The following LRFN5 variants were observed in gnomAD, a reference collection of about 807,000 sequenced individuals.
LRFN5 encodes leucine rich repeat and fibronectin type III domain containing 5, also known as leucine-rich repeat and fibronectin type-III domain-containing protein 5.
In LRFN5, 24 loss-of-function variants were observed where a neutral mutation model predicts 45.6. That is an observed-to-expected ratio of 0.53 (90% CI 0.38 to 0.74). The LOEUF (loss-of-function observed/expected upper bound fraction) is 0.74, where lower values mean the gene tolerates loss of function less well. LRFN5 is among the 30% of genes least tolerant of loss of function. The probability of loss-of-function intolerance (pLI) is 0.00; values close to 1 mark genes in which losing one functional copy is unlikely to be tolerated. For synonymous variants in LRFN5, 340 were observed against 313.8 expected, an observed-to-expected ratio of 1.08 and a Z score of -0.88; for missense variants, 776 against 861.5, an observed-to-expected ratio of 0.90 and a Z score of 1.24.
chr14:41,607,850 G>A lies in LRFN5; in HGVS notation c.-909G>A, dbSNP rs1887558342. The A allele has an allele frequency of 6.6e-6, 1 of 152,192 alleles. No homozygotes were observed. Among genetic ancestry groups the A allele is most frequent in the African/African-American group, 2.4e-5 (1 of 41,428 alleles). 9.4% of individuals were successfully genotyped at this position (152,192 alleles called of 1,614,324 possible). A position where few individuals can be genotyped will look rare whatever the true frequency, so the allele number is the denominator to read the frequency against. ...TACACCTTCTTCTCTTGGCCAGAAGGATATTTACGTTTTGGTTCACAGCAT... is the reference window on the plus strand; with the variant it reads ...TACACCTTCTTCTCTTGGCCAGAAGAATATTTACGTTTTGGTTCACAGCAT... On this transcript the variant is annotated 5_prime_UTR_variant, in exon 1 of 6. Transcript: ENST00000298119.
intron 2 of LRFN5, among the ~76,000 whole-genome samples, chr14:41,771,287 G>A (rs1031320850): frequency 6.6e-6 from 1 of 151,466 alleles, no homozygotes; most frequent in Non-Finnish European, 1.5e-5. Context: ...TTCCTTCAAG[G>A]CATTTTTCCC....
At chr14:41,865,557 TA>T (rs940845862) in intron 2 of LRFN5, among the ~76,000 whole-genome samples, 1 of 152,212 alleles carries the variant, frequency 6.6e-6, no homozygotes, top group African/African-American at 2.4e-5. Context: ...TTTGTCACCA[TA>T]TTTTCATTTC....
chr14:41,859,469 A>G (rs995681865), intron 2 of LRFN5, among the ~76,000 whole-genome samples: 2 of 152,200 alleles, frequency 1.3e-5, no homozygotes, highest in Non-Finnish European at 2.9e-5. Context: ...AGGTCCTAAC[A>G]CCTTCTTTAT....
chr14:41,888,064 T>C, intron 3 of LRFN5, 54 bp downstream of exon 3: 1 of 1,393,050 alleles, frequency 7.2e-7, no homozygotes. Flanking sequence ...GTGTAGAATT[T>C]GTTAATGTAC....
intron 1 of LRFN5, among the ~76,000 whole-genome samples, chr14:41,764,366 A>C (rs1233713530): frequency 1.3e-5 from 2 of 152,162 alleles, no homozygotes; most frequent in African/African-American, 4.8e-5. Flanking sequence ...GAATTTTTTT[A>C]AGTTAACACA....
Position 41,787,793 on chromosome 14 carries a change from G to A in LRFN5, c.-21+20764G>A, listed in dbSNP as rs114019255. 7.4e-3 allele frequency among the ~76,000 whole-genome samples: 1,112 copies of A among 151,282 alleles called. 13 individuals carry two copies. Among genetic ancestry groups the A allele is most frequent in the African/African-American group, 0.026 (1,062 of 41,258 alleles). ...TTTTATTTTTTATTTTTATGATGCC[G>A]CAGTATCTTCTGTACTTAATGTTTG... On this transcript the variant is annotated intron_variant, in intron 2 of 5. Coordinates refer to ENST00000298119, the MANE Select transcript of LRFN5 (RefSeq NM_152447.5).
In LRFN5 at chr14:41,670,282, TATATATATATATATATATATATAC is replaced by T. The variant is rs1192697290; in HGVS notation, c.-197+61722_-197+61745del. Among the ~76,000 whole-genome samples the T allele has an allele frequency of 9.9e-3, 748 of 75,526 alleles. 42 individuals are homozygous for T. The highest frequency in any genetic ancestry group is 0.042 in the African/African-American group (614 of 14,642). The allele number at this position is 75,526 out of a possible 152,430, so 49.5% of individuals were successfully genotyped here. ...ATATATATATATATATATATATATA[TATATATATATATATATATATATAC>T]ACACACACAGAAAGAACCCCTGGAA... is the stretch of plus-strand genomic sequence containing the variant. On this transcript the variant is annotated intron_variant, in intron 1 of 5. Coordinates refer to ENST00000298119, the MANE Select transcript of LRFN5 (RefSeq NM_152447.5).
intron 1 of LRFN5, among the ~76,000 whole-genome samples, chr14:41,703,255 C>T (rs565390428): frequency 1.3e-5 from 2 of 152,230 alleles, no homozygotes; most frequent in South Asian, 4.2e-4. Flanking sequence ...TTCTAATTTA[C>T]ATAGCATGTG....
intron 1 of LRFN5, among the ~76,000 whole-genome samples, chr14:41,658,700 A>G (rs1880490769): frequency 6.6e-6 from 1 of 152,060 alleles, no homozygotes; most frequent in Non-Finnish European, 1.5e-5. Context: ...CCTTAATGTC[A>G]TATAAAATTT....
At chr14:41,781,666 G>A (rs1264247335) in intron 2 of LRFN5, among the ~76,000 whole-genome samples, 2 of 141,904 alleles carry the variant, frequency 1.4e-5, no homozygotes, top group African/African-American at 5.5e-5. Context: ...AGAAAGAAAG[G>A]AAAGAAAGAA....
intron 1 of LRFN5, among the ~76,000 whole-genome samples, chr14:41,761,901 T>G (rs1226793949): frequency 6.6e-6 from 1 of 152,104 alleles, no homozygotes; most frequent in Non-Finnish European, 1.5e-5. Flanking sequence ...TTGTTTATTT[T>G]TTGTAGAGGA....
At chr14:41,683,566 A>G (rs1376926691) in intron 1 of LRFN5, among the ~76,000 whole-genome samples, 2 of 152,220 alleles carry the variant, frequency 1.3e-5, no homozygotes, top group African/African-American at 4.8e-5. Flanking sequence ...AGATTCCACC[A>G]AAAACTATTA....
chr14:41,758,601 T>C (rs982110900), intron 1 of LRFN5, among the ~76,000 whole-genome samples: 6 of 152,204 alleles, frequency 3.9e-5, no homozygotes, highest in African/African-American at 1.2e-4. Flanking sequence ...AATGTTAAAA[T>C]GCTGAACAAG....
chr14:41,861,889 C>T (rs1889676728), intron 2 of LRFN5, among the ~76,000 whole-genome samples: 2 of 152,150 alleles, frequency 1.3e-5, no homozygotes, highest in African/African-American at 4.8e-5. Flanking sequence ...TGGTTTGGCT[C>T]TGTGTCCCCA....
intron 4 of LRFN5, chr14:41,894,564 A>G (rs1890879434): frequency 1.3e-5 from 13 of 969,268 alleles, no homozygotes; most frequent in Non-Finnish European, 1.6e-5. Flanking sequence ...TGGCTTATCA[A>G]GAAGGTCAAA....
chr14:41,696,268 T>C (rs1337435058), intron 1 of LRFN5, among the ~76,000 whole-genome samples: 2 of 151,910 alleles, frequency 1.3e-5, no homozygotes, highest in African/African-American at 2.4e-5. Context: ...AGATGAAAAG[T>C]ACTCCTGATG....
Position 41,608,009 on chromosome 14 carries a change from C to T in LRFN5, c.-750C>T, listed in dbSNP as rs1157756455. ...TTCCTCAGCCCTTTCTCGGCTCCCT[C>T]CTCCCCACCAAAATGTCACCAGCTC... On this transcript the variant is annotated 5_prime_UTR_variant, in exon 1 of 6. Coordinates refer to ENST00000298119, the MANE Select transcript of LRFN5 (RefSeq NM_152447.5). The T allele has an allele frequency of 6.6e-6, 1 of 152,270 alleles. No homozygotes were observed. The highest frequency in any genetic ancestry group is 1.5e-5 in the Non-Finnish European group (1 of 68,086). 9.4% of individuals were successfully genotyped at this position (152,270 alleles called of 1,614,324 possible). A position where few individuals can be genotyped will look rare whatever the true frequency, so the allele number is the denominator to read the frequency against.
At chr14:41,883,595 T>G (rs895258094) in intron 2 of LRFN5, among the ~76,000 whole-genome samples, 1 of 152,192 alleles carries the variant, frequency 6.6e-6, no homozygotes, top group Non-Finnish European at 1.5e-5. Context: ...TTTTCCTTTC[T>G]TCATGGAGCA....
At chr14:41,797,503 C>A (rs1282812446) in intron 2 of LRFN5, among the ~76,000 whole-genome samples, 1 of 151,488 alleles carries the variant, frequency 6.6e-6, no homozygotes, top group East Asian at 1.9e-4. Flanking sequence ...TTACCTAATA[C>A]CTTATTGGAA....
Sources: allele counts gnomAD v4.1 joint callset (sites outside exome capture counted in the v4.1 genomes callset), GRCh38; gene constraint gnomAD v4.1.1; transcripts MANE v1.5; gene names NCBI Gene and HGNC (gene_info 2026-07-23, HGNC 2026-07-21).